Variants in TNRC6B observed in about 807,000 individuals in gnomAD.
TNRC6B encodes the protein trinucleotide repeat containing adaptor 6B.
TNRC6B carries 52 observed loss-of-function variants against 203.6 expected under a neutral mutation model. The ratio of observed to expected loss-of-function variants is 0.26; its 90% CI spans 0.20 to 0.32. TNRC6B has a LOEUF of 0.32. TNRC6B is among the 10% of genes least tolerant of loss of function. The pLI is 1.00. For missense variants in TNRC6B, 1,923 were observed against 2,286.2 expected (o/e 0.84, Z 3.24); for synonymous variants, 838 against 845.7 (o/e 0.99, Z 0.16).
intron 10 of TNRC6B, among the ~76,000 whole-genome samples, 158 bp from the exon 11 acceptor site, chr22:40,280,961 A>G (rs1173635521): frequency 6.6e-6 from 1 of 152,254 alleles, no homozygotes; most frequent in Non-Finnish European, 1.5e-5. Context: ...TGTTGGGCCA[A>G]GTGTAAAGAT....
intron 1 of TNRC6B, among the ~76,000 whole-genome samples, chr22:40,207,695 A>G (rs2069500846): frequency 6.6e-6 from 1 of 152,098 alleles, no homozygotes; most frequent in Admixed American, 6.5e-5. Context: ...CACAGTAGAG[A>G]AAATCCAAAT....
rs148317610 is a variant in TNRC6B, at chr22:40,259,736, G to A, written c.116-2096G>A. ...GTCCAGTAGTGGCATAGATTGGGCC[G>A]CCTGATTTCTGATGATGTATCTCTC... is the stretch of plus-strand genomic sequence containing the variant. On this transcript the variant is annotated intron_variant, in intron 3 of 22. Transcript: ENST00000454349. 3.4e-3 allele frequency among the ~76,000 whole-genome samples: 511 copies of A among 152,226 alleles called. 4 individuals are homozygous for A. Among genetic ancestry groups the A allele is most frequent in the African/African-American group, 0.012 (493 of 41,522 alleles).
intron 3 of TNRC6B, among the ~76,000 whole-genome samples, chr22:40,131,400 T>C (rs1464211611): frequency 7.8e-6 from 1 of 128,068 alleles, no homozygotes; most frequent in African/African-American, 4.1e-5. Context: ...CTCTTGAGTT[T>C]AGGGATTTTT....
intron 1 of TNRC6B, among the ~76,000 whole-genome samples, chr22:40,094,085 T>G (rs936845382): frequency 1.3e-5 from 2 of 152,180 alleles, no homozygotes; most frequent in African/African-American, 2.4e-5. Flanking sequence ...ACAACTATTA[T>G]GTACTCATAA....
rs547747924 is a variant in TNRC6B at position 40,285,330 on chromosome 22, A to G, written c.3583-315A>G. Among the ~76,000 whole-genome samples the G allele has an allele frequency of 4.8e-4, 73 of 152,364 alleles. 2 individuals are homozygous for G. The South Asian group carries it at 0.015, about 31-fold the overall frequency. ...AATAAATTTGGTAAACCCAATCGCA[A>G]AGAAGAGTACTTGAAATAAATGTTA... On this transcript the variant is annotated intron_variant, in intron 11 of 22. Coordinates refer to ENST00000454349, the MANE Select transcript of TNRC6B (RefSeq NM_001162501.2).
intron 6 of TNRC6B, among the ~76,000 whole-genome samples, chr22:40,272,691 A>G (rs578034562): frequency 2.0e-5 from 3 of 152,324 alleles, no homozygotes; most frequent in Non-Finnish European, 4.4e-5. Flanking sequence ...TGGGATACTG[A>G]TGTCCCACTT....
chr22:40,149,243 T>G (rs1369212781), intron 3 of TNRC6B, among the ~76,000 whole-genome samples: 1 of 152,102 alleles, frequency 6.6e-6, no homozygotes, highest in East Asian at 1.9e-4. Context: ...TTATGCTGAG[T>G]AAAAGAAGCC....
intron 3 of TNRC6B, among the ~76,000 whole-genome samples, chr22:40,142,396 AGCCCAGGGTAGG>A (rs2146339091): frequency 6.6e-6 from 1 of 152,214 alleles, no homozygotes; most frequent in African/African-American, 2.4e-5. Flanking sequence ...TGTTTCATGA[AGCCCAGGGTAGG>A]GCTTAGGCAT....
At chr22:40,144,886 G>A (rs1045987680) in intron 3 of TNRC6B, among the ~76,000 whole-genome samples, 11 of 151,930 alleles carry the variant, frequency 7.2e-5, no homozygotes, top group South Asian at 6.2e-4. Flanking sequence ...TGGGGAGATG[G>A]AAATTTTCTG....
At chr22:40,069,293 C>A (rs7292999) in intron 1 of TNRC6B, among the ~76,000 whole-genome samples, 45,526 of 150,416 alleles carry the variant, frequency 0.3, 9,215 homozygotes, top group African/African-American at 0.58. Context: ...TTTTGTAGAG[C>A]TGGGGTCTCC....
At chr22:40,196,315 AT>A (rs2069336828) in intron 1 of TNRC6B, among the ~76,000 whole-genome samples, 1 of 150,504 alleles carries the variant, frequency 6.6e-6, no homozygotes, top group Non-Finnish European at 1.5e-5. Context: ...TGCCTGGCTA[AT>A]TTTTTTGTAG....
chr22:40,118,769 A>G (rs1396870611), intron 2 of TNRC6B, among the ~76,000 whole-genome samples: 3 of 152,226 alleles, frequency 2.0e-5, no homozygotes, highest in Non-Finnish European at 4.4e-5. Flanking sequence ...AATAAATCCA[A>G]TAAAGTGTTA....
intron 1 of TNRC6B, among the ~76,000 whole-genome samples, chr22:40,200,624 G>A (rs924630498): frequency 1.3e-5 from 2 of 151,996 alleles, no homozygotes; most frequent in African/African-American, 4.8e-5. Flanking sequence ...TAAATCATGA[G>A]AAGTACATAA....
intron 1 of TNRC6B, among the ~76,000 whole-genome samples, chr22:40,048,765 T>G (rs2067717427): frequency 6.6e-6 from 1 of 152,116 alleles, no homozygotes; most frequent in Non-Finnish European, 1.5e-5. Flanking sequence ...CAAAAAAAAC[T>G]CCCTTGTCCC....
At chr22:40,068,903 C>A (rs1240945847) in intron 1 of TNRC6B, among the ~76,000 whole-genome samples, 1 of 151,748 alleles carries the variant, frequency 6.6e-6, no homozygotes, top group Non-Finnish European at 1.5e-5. Context: ...CTTTTAAATC[C>A]ATATATATGA....
chr22:40,048,422 TCCCAGTTA>T (rs1236161442), intron 1 of TNRC6B, among the ~76,000 whole-genome samples: 1 of 151,634 alleles, frequency 6.6e-6, no homozygotes, highest in Non-Finnish European at 1.5e-5. Flanking sequence ...ATGCCTGTAG[TCCCAGTTA>T]CTCGGGAGCC....
chr22:40,098,384 CAAA>C lies in TNRC6B; in HGVS notation c.-120-18648_-120-18646del, dbSNP rs1056495905. Among the ~76,000 whole-genome samples, 26 of 51,490 alleles carry C rather than the reference CAAA, an allele frequency of 5.0e-4. No homozygotes were observed. The South Asian group carries it at 0.011, about 21-fold the overall frequency. The allele number at this position is 51,490 out of a possible 152,430, so 33.8% of individuals were successfully genotyped here. A position where few individuals can be genotyped will look rare whatever the true frequency, so the allele number is the denominator to read the frequency against. On this transcript the variant is annotated intron_variant, in intron 1 of 23. Coordinates refer to the TNRC6B transcript ENST00000301923. Reference sequence around the variant, plus strand: ...TGGGCAACAGAGCGAGACTCCGTCTCAAAAAAAAAAAAAAAAAAAAAAAAAGGG... The same window carrying C: ...TGGGCAACAGAGCGAGACTCCGTCTCAAAAAAAAAAAAAAAAAAAAAAGGG...
intron 7 of TNRC6B, among the ~76,000 whole-genome samples, chr22:40,274,761 G>A (rs2146513922): frequency 6.6e-6 from 1 of 152,234 alleles, no homozygotes; most frequent in East Asian, 1.9e-4. Flanking sequence ...ACCAGGTTGT[G>A]TACTAAACTT....
At chr22:40,148,105 A>G (rs1209305168) in intron 3 of TNRC6B, among the ~76,000 whole-genome samples, 1 of 152,194 alleles carries the variant, frequency 6.6e-6, no homozygotes, top group Non-Finnish European at 1.5e-5. Context: ...GAGAACAGAT[A>G]GCAAAGGAGC....
Sources: gnomAD v4.1 joint callset for allele counts (sites outside exome capture counted in the v4.1 genomes callset) on GRCh38, gnomAD v4.1.1 for gene constraint, MANE v1.5 for transcripts, NCBI Gene and HGNC (gene_info 2026-07-23, HGNC 2026-07-21) for gene names.